Variants in ZNF845 observed in about 807,000 individuals in gnomAD.
The protein encoded by ZNF845 is zinc finger protein 845.
A neutral mutation model predicts 76.1 loss-of-function variants in ZNF845; 59 were observed. That is an observed-to-expected ratio of 0.78 (90% CI 0.63 to 0.96). The LOEUF is 0.96. Among genes scored for constraint, ZNF845 ranks in the 40% least tolerant of loss-of-function variants. The pLI, the probability that ZNF845 is intolerant of heterozygous loss-of-function variation, is 0.00. For missense variants in ZNF845, 1,045 were observed against 1,172.8 expected, an observed-to-expected ratio of 0.89 and a Z score of 1.59; for synonymous variants, 361 against 386.9, an observed-to-expected ratio of 0.93 and a Z score of 0.78.
At position 53,350,844 on chromosome 19, in the gene ZNF845, G is replaced by T; in HGVS notation, c.169G>T (p.Glu57Ter). Residue 57 changes from glutamate (E) to a stop codon, truncating the protein, a stop_gained, in exon 4 of 4, where the codon GAG becomes TAG. Transcript: ENST00000458035. LOFTEE classifies it high-confidence loss of function. ...LDISSKCMMK[E>*]FSSTAQGNTE... ...TATCTCTTCCAAATGCATGATGAAG[G>T]AGTTCTCATCAACAGCACAAGGCAA... 6.2e-7 allele frequency: 1 copy of T among 1,613,764 alleles called. No homozygotes were observed. Among genetic ancestry groups the T allele is most frequent in the Non-Finnish European group, 8.5e-7 (1 of 1,179,860 alleles).
intron 3 of ZNF845, among the ~76,000 whole-genome samples, chr19:53,347,925 C>T (rs1387963617): frequency 6.6e-6 from 1 of 152,206 alleles, no homozygotes; most frequent in East Asian, 1.9e-4. Flanking sequence ...CCCACAGACT[C>T]ACGCCTGTAA....
intron 1 of ZNF845, among the ~76,000 whole-genome samples, chr19:53,337,812 T>C (rs1335489627): frequency 1.3e-5 from 2 of 151,862 alleles, no homozygotes; most frequent in Non-Finnish European, 2.9e-5. Context: ...GTAATCCACC[T>C]GCCTTGGCCT....
In ZNF845 at chr19:53,333,765, C is replaced by A. The variant is rs1190982883; in HGVS notation, c.-101C>A. On this transcript the variant is annotated 5_prime_UTR_variant, in exon 1 of 4. Transcript: ENST00000458035. ...GATTCGCGCAAACCCGGAAGCGGAT[C>A]GCATGGAGTGATGGTCCCACCGCAG... The A allele has an allele frequency of 2.5e-5, 4 of 160,092 alleles. No individual in the cohort carries two copies. Among genetic ancestry groups the A allele is most frequent in the South Asian group, 1.7e-4 (1 of 5,946 alleles). 9.9% of individuals were successfully genotyped at this position (160,092 alleles called of 1,614,324 possible).
Position 53,351,170 on chromosome 19 carries a change from G to A in ZNF845, c.495G>A (p.Glu165=). 6.2e-7 allele frequency: 1 copy of A among 1,614,204 alleles called. No homozygotes were observed. Among genetic ancestry groups the A allele is most frequent in the Non-Finnish European group, 8.5e-7 (1 of 1,180,048 alleles). Residue 165 remains glutamate (E), a synonymous_variant, in exon 4 of 4, where the codon GAG becomes GAA. Coordinates refer to ENST00000458035, the MANE Select transcript of ZNF845 (RefSeq NM_138374.3). ...AAGGGAAAATTGGTAATCAAGTTGA[G>A]AAGTCTATCAACAGTGCTTCGTTGG... ...QTEGKIGNQV[E]KSINSASLVS...
At chr19:53,334,133 C>T (rs1041499333) in intron 1 of ZNF845, among the ~76,000 whole-genome samples, 3 of 152,188 alleles carry the variant, frequency 2.0e-5, no homozygotes, top group African/African-American at 7.2e-5. Flanking sequence ...CCAGTCTTGT[C>T]TTAAGGCGCC....
intron 1 of ZNF845, among the ~76,000 whole-genome samples, chr19:53,338,199 T>C (rs2017211): frequency 0.68 from 102,802 of 151,938 alleles, 36,199 homozygotes; most frequent in African/African-American, 0.88. Flanking sequence ...GAAATTTCAA[T>C]TCTAATTGAT....
intron 1 of ZNF845, among the ~76,000 whole-genome samples, chr19:53,340,331 T>C (rs2085247419): frequency 6.6e-6 from 1 of 152,164 alleles, no homozygotes; most frequent in Admixed American, 6.5e-5. Flanking sequence ...GGATTGCAGG[T>C]GTGAGCCACT....
intron 3 of ZNF845, 43 bp from the exon 4 acceptor site, chr19:53,350,775 A>G: frequency 3.2e-6 from 5 of 1,585,352 alleles, no homozygotes; most frequent in Non-Finnish European, 3.4e-6. Context: ...ATTATTTACC[A>G]TCTATACTTA....
chr19:53,341,567 A>C (rs1435212584), intron 2 of ZNF845, among the ~76,000 whole-genome samples: 2 of 150,764 alleles, frequency 1.3e-5, no homozygotes, highest in African/African-American at 4.9e-5. Context: ...ACATGGATGG[A>C]GATGGGATGA....
chr19:53,338,097 C>T (rs1179343334), intron 1 of ZNF845, among the ~76,000 whole-genome samples: 1 of 152,126 alleles, frequency 6.6e-6, no homozygotes, highest in East Asian at 1.9e-4. Flanking sequence ...AACTGCAGCA[C>T]CTACTCTGGG....
chr19:53,352,220 A>G lies in ZNF845; in HGVS notation c.1545A>G (p.Ile515Met). 3 of 1,613,838 alleles carry G rather than the reference A, an allele frequency of 1.9e-6. No homozygotes were observed. The highest frequency in any genetic ancestry group is 2.5e-6 in the Non-Finnish European group (3 of 1,179,892). ...SFKSNLERHR[I>M]IHTGEKLYKC... ...AATCAAACCTTGAAAGACATAGGATAATTCATACTGGAGAGAAACTTTACA... is the reference window on the plus strand; with the variant it reads ...AATCAAACCTTGAAAGACATAGGATGATTCATACTGGAGAGAAACTTTACA... The change falls in exon 4 of 4, where the codon ATA (isoleucine) becomes ATG (methionine). Residue 515 changes from isoleucine (I) to methionine (M), a missense_variant. Coordinates refer to ENST00000458035, the MANE Select transcript of ZNF845 (RefSeq NM_138374.3).
chr19:53,345,530 G>A lies in ZNF845; in HGVS notation c.40G>A (p.Ala14Thr). 2 of 1,613,498 alleles carry A rather than the reference G, an allele frequency of 1.2e-6. No individual in the cohort carries two copies. Among genetic ancestry groups the A allele is most frequent in the Non-Finnish European group, 1.7e-6 (2 of 1,179,582 alleles). Residue 14 changes from alanine to threonine, a missense_variant, in exon 3 of 4, where the codon GCC becomes ACC. Ala to Thr is a moderately conservative substitution (Grantham distance 58). Coordinates refer to ENST00000458035, the MANE Select transcript of ZNF845 (RefSeq NM_138374.3). ...GGGTCTATTGACATTCAGGGATGTG[G>A]CCATAGAATTCTCTCAGGAAGAGTG... The part of the protein sequence containing the change: ...SQGLLTFRDV[A>T]IEFSQEEWKC...
chr19:53,351,694 C>G lies in ZNF845; in HGVS notation c.1019C>G (p.Ser340Ter). ...NECGKTFSQT[S>*]YLVYHRRLHT... ...TGTGGCAAGACCTTCAGTCAAACGT[C>G]ATACCTTGTGTACCATCGTAGACTT... The change falls in exon 4 of 4, where the codon TCA becomes TGA. Residue 340 changes from serine to a stop codon, truncating the protein, a stop_gained. Coordinates refer to ENST00000458035, the MANE Select transcript of ZNF845 (RefSeq NM_138374.3). LOFTEE classifies it high-confidence loss of function. 1 of 1,614,072 alleles carries G rather than the reference C, an allele frequency of 6.2e-7. No homozygotes were observed. The highest frequency in any genetic ancestry group is 1.1e-5 in the South Asian group (1 of 91,080).
intron 1 of ZNF845, among the ~76,000 whole-genome samples, chr19:53,334,601 C>G (rs868516255): frequency 2.0e-5 from 3 of 151,778 alleles, no homozygotes; most frequent in African/African-American, 7.3e-5. Context: ...GAGGGAAGCA[C>G]AGTAATGAAG....
At chr19:53,341,711 G>A (rs1296754922) in intron 2 of ZNF845, among the ~76,000 whole-genome samples, 2 of 152,196 alleles carry the variant, frequency 1.3e-5, no homozygotes, top group African/African-American at 4.8e-5. Context: ...CACAAAGTAG[G>A]TGGTAAATTC....
chr19:53,353,437 G>T lies in ZNF845; in HGVS notation c.2762G>T (p.Gly921Val). The change falls in exon 4 of 4, where the codon GGC becomes GTC. Residue 921 changes from glycine (G) to valine (V), a missense_variant. Gly to Val is a moderately radical substitution (Grantham distance 109). Coordinates refer to ENST00000458035, the MANE Select transcript of ZNF845 (RefSeq NM_138374.3). ...AAACCTTACAAGTGTAATGAGTGTG[G>T]CAAAACCTTCCGTCACAATTCAGTC... is the stretch of plus-strand genomic sequence containing the variant. ...GEKPYKCNECGKTFRHNSVLV... is the reference protein window; with the variant it reads ...GEKPYKCNECVKTFRHNSVLV... 1 of 1,613,380 alleles carries T rather than the reference G, an allele frequency of 6.2e-7. No individual in the cohort carries two copies. Among genetic ancestry groups the T allele is most frequent in the Non-Finnish European group, 8.5e-7 (1 of 1,179,814 alleles).
rs1021325910 is a variant in ZNF845 at position 53,355,467 on chromosome 19, G to A, written c.*1879G>A. ...GGGGTTTCACCATGTTGGCCCAGAT[G>A]GTGGGCCAACATGGTGAGTACCTTG... On this transcript the variant is annotated 3_prime_UTR_variant, in exon 4 of 4. Transcript: ENST00000458035. 1.3e-5 allele frequency: 2 copies of A among 151,572 alleles called. No homozygotes were observed. The highest frequency in any genetic ancestry group is 2.4e-5 in the African/African-American group (1 of 41,248). 9.4% of individuals were successfully genotyped at this position (151,572 alleles called of 1,614,324 possible).
At position 53,337,193 on chromosome 19, in the gene ZNF845, G is replaced by C. The variant is rs114511275; in HGVS notation, c.-74+3401G>C. 3.0e-3 allele frequency: 1,343 copies of C among 454,164 alleles called. 22 individuals carry two copies. Among genetic ancestry groups the C allele is most frequent in the African/African-American group, 0.026 (1,235 of 47,814 alleles). 28.1% of individuals were successfully genotyped at this position (454,164 alleles called of 1,614,324 possible). A position where few individuals can be genotyped will look rare whatever the true frequency, so the allele number is the denominator to read the frequency against. On this transcript the variant is annotated intron_variant, in intron 1 of 3. Transcript: ENST00000458035. ...AAAACCCTTCCTGTCTCAGGTTGCT[G>C]TCCCTGCTCTTACCCTGTGTTCCTA...
rs377540665 is a variant in ZNF845 at position 53,337,227 on chromosome 19, C to T, written c.-74+3435C>T. On this transcript the variant is annotated intron_variant, in intron 1 of 3. Coordinates refer to ENST00000458035, the MANE Select transcript of ZNF845 (RefSeq NM_138374.3). ...CTTACCCTGTGTTCCTAAATGATCA[C>T]GGCCCTGTGCCTTTCTTCTCCTTCA... 44 of 453,586 alleles carry T rather than the reference C, an allele frequency of 9.7e-5. No homozygotes were observed. The East Asian group carries it at 2.2e-3, about 22-fold the overall frequency. 28.1% of individuals were successfully genotyped at this position (453,586 alleles called of 1,614,324 possible).
Sources: gnomAD v4.1 joint callset for allele counts (sites outside exome capture counted in the v4.1 genomes callset) on GRCh38, gnomAD v4.1.1 for gene constraint, MANE v1.5 for transcripts, NCBI Gene and HGNC (gene_info 2026-07-23, HGNC 2026-07-21) for gene names.